The following GRIK3 variants were observed in gnomAD, a reference collection of about 807,000 sequenced individuals.
GRIK3 encodes glutamate receptor ionotropic, kainate 3.
Under a neutral mutation model 102.5 loss-of-function variants are expected in GRIK3, and 29 were observed. The observed-to-expected ratio is 0.28, with a 90% CI of 0.21 to 0.39. The LOEUF (loss-of-function observed/expected upper bound fraction) is 0.39, where lower values mean the gene tolerates loss of function less well. Ranked by LOEUF, GRIK3 falls within the 10% of genes least tolerant of loss-of-function variation. GRIK3 has a pLI of 1.00. For synonymous variants in GRIK3, 511 were observed against 504.9 expected, an observed-to-expected ratio of 1.01 and a Z score of -0.16; for missense variants, 908 against 1,252.4, an observed-to-expected ratio of 0.73 and a Z score of 4.15.
chr1:36,967,200 G>A (rs1029936727), intron 1 of GRIK3, among the ~76,000 whole-genome samples: 4 of 152,196 alleles, frequency 2.6e-5, no homozygotes, highest in African/African-American at 7.2e-5. Context: ...TAGAGTGCAA[G>A]AGCCTTTCTG....
At chr1:36,952,444 G>A (rs1052069849) in intron 1 of GRIK3, among the ~76,000 whole-genome samples, 1 of 152,250 alleles carries the variant, frequency 6.6e-6, no homozygotes, top group African/African-American at 2.4e-5. Flanking sequence ...AAATCTGGAT[G>A]TGAACCTCCA....
chr1:36,834,811 T>C (rs1222570765), intron 10 of GRIK3, among the ~76,000 whole-genome samples: 1 of 152,180 alleles, frequency 6.6e-6, no homozygotes, highest in Non-Finnish European at 1.5e-5. Context: ...GTCCTGCCAG[T>C]GCTCCGGGAC....
At chr1:36,884,749 T>A (rs1028757388) in intron 2 of GRIK3, among the ~76,000 whole-genome samples, 19 of 152,218 alleles carry the variant, frequency 1.2e-4, no homozygotes, top group South Asian at 2.1e-4. Flanking sequence ...TTTGAAGACT[T>A]GGTTGAATGA....
Position 36,872,149 on chromosome 1 carries a change from G to C in GRIK3, c.732+39C>G, listed in dbSNP as rs569466158. 2.0e-6 allele frequency: 3 copies of C among 1,512,474 alleles called. No individual in the cohort carries two copies. Among genetic ancestry groups the C allele is most frequent in the Non-Finnish European group, 2.7e-6 (3 of 1,123,082 alleles). 93.7% of individuals were successfully genotyped at this position (1,512,474 alleles called of 1,614,324 possible). ...GGGGACGTGGGAGAAGTGGCCAGCA[G>C]ACCCCAGTCATCTGTCCCGGTGGCC... On this transcript the variant is annotated intron_variant, in intron 4 of 15. Coordinates refer to ENST00000373091, the MANE Select transcript of GRIK3 (RefSeq NM_000831.4). This position sits in a 1 kb window ranked among gnomAD's most constrained non-coding sequence, Gnocchi z 5.9.
At chr1:36,838,789 C>A (rs1640413930) in intron 10 of GRIK3, among the ~76,000 whole-genome samples, 1 of 152,158 alleles carries the variant, frequency 6.6e-6, no homozygotes, top group African/African-American at 2.4e-5. Context: ...TTTCTATGGG[C>A]TAGTGAGAAG....
At chr1:36,882,986 G>A (rs547452924) in intron 2 of GRIK3, among the ~76,000 whole-genome samples, 4 of 152,318 alleles carry the variant, frequency 2.6e-5, no homozygotes, top group South Asian at 2.1e-4. Context: ...ATGACACTAT[G>A]TGCACACATA....
At chr1:36,961,556 C>T (rs1480978443) in intron 1 of GRIK3, among the ~76,000 whole-genome samples, 1 of 152,212 alleles carries the variant, frequency 6.6e-6, no homozygotes, top group African/African-American at 2.4e-5. Flanking sequence ...AGGCACAGCC[C>T]TGGGGGAGCC....
At chr1:36,812,625 A>G in intron 13 of GRIK3, among the ~76,000 whole-genome samples, 1 of 144,042 alleles carries the variant, frequency 6.9e-6, no homozygotes, top group South Asian at 2.2e-4. Context: ...ACAACTCTTC[A>G]AATGAAATTC....
chr1:36,896,245 CTTAAT>C (rs139604805), intron 1 of GRIK3, among the ~76,000 whole-genome samples: 1 of 152,112 alleles, frequency 6.6e-6, no homozygotes, highest in Non-Finnish European at 1.5e-5. Context: ...TTTTCTTACT[CTTAAT>C]TGATTTAACA....
At chr1:36,954,934 C>A (rs527829754) in intron 1 of GRIK3, among the ~76,000 whole-genome samples, 11 of 152,348 alleles carry the variant, frequency 7.2e-5, no homozygotes, top group African/African-American at 2.4e-4. Flanking sequence ...TTCACACACA[C>A]GAACACACAC....
At chr1:36,905,812 G>A (rs985258795) in intron 1 of GRIK3, among the ~76,000 whole-genome samples, 6 of 152,092 alleles carry the variant, frequency 3.9e-5, no homozygotes, top group African/African-American at 1.4e-4. Flanking sequence ...AACAAAAAAA[G>A]CCTGGAAAGA....
intron 3 of GRIK3, among the ~76,000 whole-genome samples, chr1:36,873,753 T>C (rs548806321): frequency 1.3e-5 from 2 of 152,104 alleles, no homozygotes; most frequent in South Asian, 2.1e-4. Flanking sequence ...GCAAAGCACA[T>C]GGCCCCAGCC....
chr1:37,028,992 A>G (rs1642791939), intron 1 of GRIK3, among the ~76,000 whole-genome samples: 1 of 152,234 alleles, frequency 6.6e-6, no homozygotes, highest in South Asian at 2.1e-4. Flanking sequence ...AATTGGAGCC[A>G]TCATATGGCT....
rs111574769 is a variant in GRIK3, at chr1:36,916,155, A to G, written c.116-25059T>C. 3.4e-3 allele frequency among the ~76,000 whole-genome samples: 525 copies of G among 152,300 alleles called. 5 individuals are homozygous for G. The highest frequency in any genetic ancestry group is 0.012 in the African/African-American group (500 of 41,556). The stretch of plus-strand genomic sequence containing the variant: ...GCTGACTTGCTATGTTTTAGCAAAG[A>G]GACTGGCAGCATTTTGCCCCTGCCC... On this transcript the variant is annotated intron_variant, in intron 1 of 15. Transcript: ENST00000373091.
intron 13 of GRIK3, among the ~76,000 whole-genome samples, chr1:36,808,665 C>A (rs1170077568): frequency 1.3e-5 from 2 of 152,220 alleles, no homozygotes; most frequent in Non-Finnish European, 2.9e-5. Context: ...TAGCCAACAC[C>A]TTGACTGCAG....
intron 1 of GRIK3, among the ~76,000 whole-genome samples, chr1:36,999,231 G>A (rs1364095910): frequency 6.6e-6 from 1 of 152,160 alleles, no homozygotes. Flanking sequence ...GGAGCACAGA[G>A]TTGGGGGTCT....
At chr1:36,939,126 G>A (rs1394115240) in intron 1 of GRIK3, among the ~76,000 whole-genome samples, 3 of 152,162 alleles carry the variant, frequency 2.0e-5, no homozygotes, top group Non-Finnish European at 4.4e-5. Flanking sequence ...CTTGATACGA[G>A]GCTTCTCTTA....
At chr1:36,968,441 G>A (rs1445643760) in intron 1 of GRIK3, among the ~76,000 whole-genome samples, 1 of 152,168 alleles carries the variant, frequency 6.6e-6, no homozygotes, top group African/African-American at 2.4e-5. Context: ...TTGTTAAGGA[G>A]GTTGACTGAG....
intron 1 of GRIK3, among the ~76,000 whole-genome samples, chr1:37,019,077 A>G (rs1212778342): frequency 6.6e-6 from 1 of 152,224 alleles, no homozygotes; most frequent in Non-Finnish European, 1.5e-5. Flanking sequence ...GGTTAGTCAG[A>G]AAGAAGAATT....
Sources: allele counts gnomAD v4.1 joint callset (sites outside exome capture counted in the v4.1 genomes callset), GRCh38; gene constraint gnomAD v4.1.1; non-coding constraint Gnocchi (gnomAD v3.1); transcripts MANE v1.5; gene names NCBI Gene and HGNC (gene_info 2026-07-23, HGNC 2026-07-21).